The following ACTR3C variants were observed in gnomAD, a reference collection of about 807,000 sequenced individuals.
The protein encoded by ACTR3C is actin related protein 3C.
A neutral mutation model predicts 26.3 loss-of-function variants in ACTR3C; 18 were observed. The observed-to-expected ratio is 0.68, with a 90% CI of 0.47 to 1.01. The LOEUF is 1.01. Among genes scored for constraint, ACTR3C ranks in the 50% least tolerant of loss-of-function variants. The probability of loss-of-function intolerance (pLI) is 0.00; values close to 1 mark genes in which losing one functional copy is unlikely to be tolerated. For missense variants in ACTR3C, 184 were observed against 250.7 expected, an observed-to-expected ratio of 0.73 and a Z score of 1.80; for synonymous variants, 55 against 94.5, an observed-to-expected ratio of 0.58 and a Z score of 2.42.
the ACTR3C span, among the ~76,000 whole-genome samples, chr7:150,023,457 C>A: frequency 2.6e-5 from 4 of 151,038 alleles, no homozygotes; most frequent in Non-Finnish European, 4.4e-5. Context: ...CCTCAGCCTC[C>A]CGAGTAGCTG....
the ACTR3C span, among the ~76,000 whole-genome samples, chr7:150,116,395 C>CT: frequency 1.3e-5 from 2 of 152,208 alleles, no homozygotes; most frequent in African/African-American, 4.8e-5. Context: ...TTCGTGCCCC[C>CT]TGATGCCTTC....
At chr7:150,323,384 A>C (rs1797768320) in intron 1 of ACTR3C, 85 bp downstream of exon 1, 3 of 296,398 alleles carry the variant, frequency 1.0e-5, no homozygotes, top group Admixed American at 1.1e-4. Context: ...TGGGAGAAGC[A>C]CGCTGGCCAA....
the ACTR3C span, among the ~76,000 whole-genome samples, chr7:150,047,103 A>C: frequency 1.3e-5 from 2 of 151,772 alleles, no homozygotes; most frequent in Non-Finnish European, 2.9e-5. Flanking sequence ...AAGAAGAGGA[A>C]CGAAGGAGAG....
the ACTR3C span, among the ~76,000 whole-genome samples, chr7:149,903,802 C>T: frequency 6.8e-6 from 1 of 146,558 alleles, no homozygotes; most frequent in South Asian, 2.3e-4. Context: ...CCTCGGCCTA[C>T]CAAAGTGCTG....
In ACTR3C at chr7:150,307,550, T is replaced by G. The variant is rs115549484; in HGVS notation, c.-51-12203A>C. On this transcript the variant is annotated intron_variant, in intron 1 of 7. Transcript: ENST00000683684. ...TAAATAACCACCTTTTACTGTAATT[T>G]TTCATTACCTACCCAACTCCTATAA... Among the ~76,000 whole-genome samples, 1,022 of 152,298 alleles carry G rather than the reference T, an allele frequency of 6.7e-3. 17 individuals are homozygous for G. Among genetic ancestry groups the G allele is most frequent in the African/African-American group, 0.023 (938 of 41,546 alleles).
chr7:150,004,404 G>A, the ACTR3C span: 15 of 152,192 alleles, frequency 9.9e-5, no homozygotes, highest in African/African-American at 2.9e-4. Context: ...CCATATTTTC[G>A]TAGAATGCCA....
chr7:150,125,673 G>A, the ACTR3C span, among the ~76,000 whole-genome samples: 1 of 152,128 alleles, frequency 6.6e-6, no homozygotes, highest in Non-Finnish European at 1.5e-5. Flanking sequence ...GCAAATTTAA[G>A]ATTCCCACTA....
chr7:149,920,880 C>T, the ACTR3C span, among the ~76,000 whole-genome samples: 1 of 152,010 alleles, frequency 6.6e-6, no homozygotes, highest in Non-Finnish European at 1.5e-5. Flanking sequence ...GATTCTCCTG[C>T]CTCAGCTTCC....
the ACTR3C span, among the ~76,000 whole-genome samples, chr7:150,034,324 G>T: frequency 1.1e-4 from 17 of 148,040 alleles, no homozygotes; most frequent in East Asian, 2.0e-4. Context: ...TGGGTTAAAA[G>T]TCCAGCTGCC....
the ACTR3C span, among the ~76,000 whole-genome samples, chr7:149,946,567 C>T: frequency 6.6e-6 from 1 of 152,150 alleles, no homozygotes; most frequent in African/African-American, 2.4e-5. Context: ...TGGCTGTTTC[C>T]AGGGCTTCCT....
intron 6 of ACTR3C, among the ~76,000 whole-genome samples, chr7:150,271,905 G>A (rs142198194): frequency 0.031 from 4,554 of 146,572 alleles, 431 homozygotes; most frequent in African/African-American, 0.094. Flanking sequence ...CTCCCCCCTC[G>A]CCCAGATGAA....
the ACTR3C span, among the ~76,000 whole-genome samples, chr7:150,016,503 G>A: frequency 2.0e-5 from 3 of 152,030 alleles, no homozygotes; most frequent in African/African-American, 7.3e-5. Context: ...CCTGTTCCTC[G>A]AACTGGCTTT....
the ACTR3C span, among the ~76,000 whole-genome samples, chr7:150,053,910 AC>A: frequency 5.3e-5 from 8 of 152,186 alleles, no homozygotes; most frequent in African/African-American, 1.9e-4. Context: ...AACTTAATTC[AC>A]CCCCGAAAGA....
At chr7:150,034,436 T>C in the ACTR3C span, among the ~76,000 whole-genome samples, 2,391 of 151,462 alleles carry the variant, frequency 0.016, 66 homozygotes, top group African/African-American at 0.055. Flanking sequence ...CATGAAAAAC[T>C]TGCTGTTGTT....
the ACTR3C span, among the ~76,000 whole-genome samples, chr7:149,995,362 T>C: frequency 6.6e-5 from 10 of 152,152 alleles, no homozygotes; most frequent in East Asian, 7.7e-4. Context: ...ATTGTACTGA[T>C]GTGTGCTGAA....
At chr7:150,015,505 T>C in the ACTR3C span, among the ~76,000 whole-genome samples, 1 of 152,172 alleles carries the variant, frequency 6.6e-6, no homozygotes, top group African/African-American at 2.4e-5. Context: ...GAGCTGTCCC[T>C]TTCTATAACA....
the ACTR3C span, among the ~76,000 whole-genome samples, chr7:150,177,419 C>T: frequency 1.3e-5 from 2 of 150,652 alleles, no homozygotes; most frequent in African/African-American, 5.0e-5. Context: ...TGAATGTACA[C>T]CAGTCCTTTT....
At chr7:150,155,380 G>A in the ACTR3C span, among the ~76,000 whole-genome samples, 1 of 151,976 alleles carries the variant, frequency 6.6e-6, no homozygotes, top group Non-Finnish European at 1.5e-5. Flanking sequence ...AACACTGGAA[G>A]ATGCTATAAA....
At chr7:150,299,219 G>A (rs1795203043) in intron 1 of ACTR3C, among the ~76,000 whole-genome samples, 1 of 151,298 alleles carries the variant, frequency 6.6e-6, no homozygotes, top group Non-Finnish European at 1.5e-5. Flanking sequence ...CTGACCTCAA[G>A]TGATCCACCA....
Sources: gnomAD v4.1 joint callset for allele counts (sites outside exome capture counted in the v4.1 genomes callset) on GRCh38, gnomAD v4.1.1 for gene constraint, MANE v1.5 for transcripts, NCBI Gene and HGNC (gene_info 2026-07-23, HGNC 2026-07-21) for gene names.